MAPRE2: variants seen among roughly 807,000 people sequenced by gnomAD.
MAPRE2 encodes microtubule-associated protein RP/EB family member 2.
Under a neutral mutation model 43.2 loss-of-function variants are expected in MAPRE2, and 13 were observed. The observed-to-expected ratio is 0.30, with a 90% CI of 0.20 to 0.48. The LOEUF (loss-of-function observed/expected upper bound fraction) is 0.48, where lower values mean the gene tolerates loss of function less well. Ranked by LOEUF, MAPRE2 falls within the 20% of genes least tolerant of loss-of-function variation. MAPRE2 has a pLI of 0.99. For synonymous variants in MAPRE2, 135 were observed against 148.8 expected, an observed-to-expected ratio of 0.91 and a Z score of 0.68; for missense variants, 161 against 400.2, an observed-to-expected ratio of 0.40 and a Z score of 5.10.
rs1358072465 is a variant in MAPRE2 at position 35,098,743 on chromosome 18, A to G, written c.396+1152A>G. On this transcript the variant is annotated intron_variant, in intron 3 of 6. Coordinates refer to ENST00000300249, the MANE Select transcript of MAPRE2 (RefSeq NM_014268.4). ...CTCTATACATGCTTCTAGATTAGAA[A>G]GAAAAGAAACACCTTTTCATATGTT... Among the ~76,000 whole-genome samples the G allele has an allele frequency of 2.0e-5, 3 of 152,230 alleles. No individual in the cohort carries two copies. The East Asian group carries it at 5.8e-4, about 29-fold the overall frequency.
At chr18:35,134,989 G>C (rs1910325352) in intron 6 of MAPRE2, among the ~76,000 whole-genome samples, 1 of 152,178 alleles carries the variant, frequency 6.6e-6, no homozygotes, top group East Asian at 1.9e-4. Flanking sequence ...AATTCAAGAA[G>C]AGAATTACTC....
rs372302809 is a variant in MAPRE2, at chr18:35,140,393, T to G, written c.*24T>G. On this transcript the variant is annotated 3_prime_UTR_variant, in exon 7 of 7. Coordinates refer to ENST00000300249, the MANE Select transcript of MAPRE2 (RefSeq NM_014268.4). ...GACCCACCCCGGCTGCTCTTGACAC[T>G]TCCATTGTGTGTGGGAACGTTTCTT... 6.3e-7 allele frequency: 1 copy of G among 1,591,540 alleles called. No homozygotes were observed. The highest frequency in any genetic ancestry group is 8.6e-7 in the Non-Finnish European group (1 of 1,167,880).
intron 2 of MAPRE2, among the ~76,000 whole-genome samples, chr18:35,020,349 C>A (rs1200891973): frequency 6.6e-6 from 1 of 152,086 alleles, no homozygotes; most frequent in Non-Finnish European, 1.5e-5. Context: ...TTTTTCAAGG[C>A]AATGACTATG....
rs1257482483 is a variant in MAPRE2, at chr18:35,143,005, C to G, written c.*2636C>G. 6.8e-5 allele frequency: 10 copies of G among 146,454 alleles called. No individual in the cohort carries two copies. Among genetic ancestry groups the G allele is most frequent in the Non-Finnish European group, 1.5e-5 (1 of 67,350 alleles). The allele number at this position is 146,454 out of a possible 1,614,324, so 9.1% of individuals were successfully genotyped here. ...GTTATAGCACTTCCACTGCTACTGTCAGATAGGAAGTGATCGAAGCAGGGG... is the reference window on the plus strand; with the variant it reads ...GTTATAGCACTTCCACTGCTACTGTGAGATAGGAAGTGATCGAAGCAGGGG... On this transcript the variant is annotated 3_prime_UTR_variant, in exon 7 of 7. Transcript: ENST00000300249.
At chr18:34,983,426 T>C (rs1283545918) in intron 1 of MAPRE2, among the ~76,000 whole-genome samples, 2 of 152,166 alleles carry the variant, frequency 1.3e-5, no homozygotes, top group South Asian at 2.1e-4. Flanking sequence ...GCAATCCTAA[T>C]GTGAACACTT....
intron 4 of MAPRE2, among the ~76,000 whole-genome samples, chr18:35,110,211 T>C (rs1437824128): frequency 6.6e-6 from 1 of 152,164 alleles, no homozygotes; most frequent in African/African-American, 2.4e-5. Flanking sequence ...ACACGTTGGC[T>C]TTTGAACACT....
chr18:35,124,752 C>G (rs998218238), intron 4 of MAPRE2, among the ~76,000 whole-genome samples: 1 of 152,154 alleles, frequency 6.6e-6, no homozygotes, highest in Non-Finnish European at 1.5e-5. Flanking sequence ...AGCTGTCTCC[C>G]CAGCTGTTAG....
chr18:35,080,913 T>C (rs1248170801), intron 2 of MAPRE2, among the ~76,000 whole-genome samples: 3 of 152,118 alleles, frequency 2.0e-5, no homozygotes, highest in Non-Finnish European at 4.4e-5. Flanking sequence ...CTTACCCAAA[T>C]ATTAATACTC....
intron 4 of MAPRE2, among the ~76,000 whole-genome samples, chr18:35,118,906 G>A (rs1301290302): frequency 2.0e-5 from 3 of 152,172 alleles, no homozygotes; most frequent in Admixed American, 6.5e-5. Context: ...CTGTCCAGAC[G>A]GCCACCTTCC....
intron 2 of MAPRE2, among the ~76,000 whole-genome samples, chr18:35,082,574 C>A (rs556558473): frequency 2.0e-5 from 3 of 152,148 alleles, no homozygotes; most frequent in African/African-American, 7.2e-5. Context: ...CTTTGAAATT[C>A]ATATCAAATG....
chr18:35,042,877 C>G (rs1322340728), intron 1 of MAPRE2, among the ~76,000 whole-genome samples: 3 of 151,860 alleles, frequency 2.0e-5, no homozygotes, highest in African/African-American at 7.3e-5. Flanking sequence ...CCAGAAAGTA[C>G]CCTACTTCCT....
At chr18:35,052,274 C>G (rs920819100) in intron 1 of MAPRE2, among the ~76,000 whole-genome samples, 1 of 152,170 alleles carries the variant, frequency 6.6e-6, no homozygotes, top group Non-Finnish European at 1.5e-5. Context: ...GATCTGCTTT[C>G]TGTCACCACA....
intron 2 of MAPRE2, among the ~76,000 whole-genome samples, chr18:35,072,872 T>A (rs988980312): frequency 1.3e-5 from 2 of 152,102 alleles, no homozygotes; most frequent in African/African-American, 4.8e-5. Context: ...AATTACAGGA[T>A]TGATGGTTCA....
At chr18:35,075,609 A>G (rs1250699252) in intron 2 of MAPRE2, among the ~76,000 whole-genome samples, 1 of 152,214 alleles carries the variant, frequency 6.6e-6, no homozygotes, top group African/African-American at 2.4e-5. Flanking sequence ...GGTAATTGTA[A>G]TGGAATATTA....
chr18:35,096,397 T>A (rs1434104225), intron 2 of MAPRE2, among the ~76,000 whole-genome samples: 1 of 152,220 alleles, frequency 6.6e-6, no homozygotes, highest in Non-Finnish European at 1.5e-5. Flanking sequence ...CAGCTTATTT[T>A]CCTAAATGCC....
chr18:35,106,509 C>T (rs1302998221), intron 4 of MAPRE2, among the ~76,000 whole-genome samples: 1 of 152,046 alleles, frequency 6.6e-6, no homozygotes, highest in Non-Finnish European at 1.5e-5. Flanking sequence ...AAAAATTGTG[C>T]TTTTACATTG....
intron 2 of MAPRE2, among the ~76,000 whole-genome samples, chr18:35,026,842 C>G (rs2097045511): frequency 6.6e-6 from 1 of 152,176 alleles, no homozygotes; most frequent in Admixed American, 6.5e-5. Context: ...CAGGCAGAGT[C>G]CCTCTTCAAG....
chr18:35,131,901 C>A, intron 5 of MAPRE2, 131 bp from the exon 6 acceptor site: 1 of 908,636 alleles, frequency 1.1e-6, no homozygotes, highest in Non-Finnish European at 1.7e-6. Flanking sequence ...TTGTTTCTCC[C>A]TCAGACTTAC....
chr18:35,019,419 A>G (rs796255951), intron 2 of MAPRE2, among the ~76,000 whole-genome samples: 3 of 152,080 alleles, frequency 2.0e-5, no homozygotes, highest in East Asian at 1.9e-4. Context: ...GTAGATGTCT[A>G]TTAGGTCCAA....
Sources: gnomAD v4.1 joint callset for allele counts (sites outside exome capture counted in the v4.1 genomes callset) on GRCh38, gnomAD v4.1.1 for gene constraint, MANE v1.5 for transcripts, NCBI Gene and HGNC (gene_info 2026-07-23, HGNC 2026-07-21) for gene names.